Variants in DISP3 observed in about 807,000 individuals in gnomAD.
The protein encoded by DISP3 is protein dispatched homolog 3.
A neutral mutation model predicts 135.3 loss-of-function variants in DISP3; 101 were observed. That is an observed-to-expected ratio of 0.75 (90% CI 0.64 to 0.88). The LOEUF is 0.88. Ranked by LOEUF, DISP3 falls within the 40% of genes least tolerant of loss-of-function variation. DISP3 has a pLI of 0.00. For synonymous variants in DISP3, 856 were observed against 817.0 expected (o/e 1.05, Z -0.81); for missense variants, 1,713 against 1,878.6 (o/e 0.91, Z 1.63).
chr1:11,534,243 T>G (rs1642648044), intron 17 of DISP3, 138 bp from the exon 18 acceptor site: 5 of 1,042,422 alleles, frequency 4.8e-6, no homozygotes, highest in Non-Finnish European at 7.2e-6. Flanking sequence ...GGACTCATTT[T>G]GGATTGAATC....
chr1:11,526,787 A>G lies in DISP3; in HGVS notation c.2750A>G (p.Lys917Arg). Reference sequence around the variant, plus strand: ...GCCTGTGATGCCAAGCGGGGCTGGAAGTTTGACTTCAGCTTCTACGTGGCC... The same window carrying G: ...GCCTGTGATGCCAAGCGGGGCTGGAGGTTTGACTTCAGCTTCTACGTGGCC... ...TLACDAKRGW[K>R]FDFSFYVATK... The change falls in exon 13 of 21, where the codon AAG (lysine) becomes AGG (arginine). Residue 917 changes from lysine to arginine, a missense_variant. Around this residue, in one of 2 missense-constraint regions of DISP3, gnomAD observed 1,142 missense variants for 1,384.6 expected, o/e 0.82. Coordinates refer to ENST00000294484, the MANE Select transcript of DISP3 (RefSeq NM_020780.2). The G allele has an allele frequency of 6.2e-7, 1 of 1,612,590 alleles. No individual in the cohort carries two copies. Among genetic ancestry groups the G allele is most frequent in the Non-Finnish European group, 8.5e-7 (1 of 1,180,004 alleles).
chr1:11,537,326 T>C lies in DISP3; in HGVS notation c.*640T>C, dbSNP rs1017062895. 6.6e-6 allele frequency: 1 copy of C among 152,160 alleles called. No homozygotes were observed. The highest frequency in any genetic ancestry group is 1.5e-5 in the Non-Finnish European group (1 of 68,218). The allele number at this position is 152,160 out of a possible 1,614,324, so 9.4% of individuals were successfully genotyped here. On this transcript the variant is annotated 3_prime_UTR_variant, in exon 21 of 21. Coordinates refer to ENST00000294484, the MANE Select transcript of DISP3 (RefSeq NM_020780.2). ...GCCAGAGAAGACAGAAGGACCCGGCTTGGGCTTCTGCATGTCCTACCCCTG... is the reference window on the plus strand; with the variant it reads ...GCCAGAGAAGACAGAAGGACCCGGCCTGGGCTTCTGCATGTCCTACCCCTG...
In DISP3 at chr1:11,501,070, A is replaced by G; in HGVS notation, c.78A>G (p.Glu26=). The change falls in exon 2 of 21, where the codon GAA becomes GAG. Residue 26 remains glutamate (E), a synonymous_variant. Coordinates refer to ENST00000294484, the MANE Select transcript of DISP3 (RefSeq NM_020780.2). This position sits in a 1 kb window ranked among gnomAD's most constrained non-coding sequence, Gnocchi z 4.9. ...AGGAGGAGGAAGAAGCAACGGGTGA[A>G]ACCTTTTTAGGGGCCCAGAAGCCAG... ...EEQEEEEATG[E]TFLGAQKPGP... 1 of 1,614,104 alleles carries G rather than the reference A, an allele frequency of 6.2e-7. No homozygotes were observed. Among genetic ancestry groups the G allele is most frequent in the Non-Finnish European group, 8.5e-7 (1 of 1,179,998 alleles).
At chr1:11,534,280 C>T (rs1246173643) in intron 17 of DISP3, 101 bp from the exon 18 acceptor site, 18 of 1,411,516 alleles carry the variant, frequency 1.3e-5, no homozygotes, top group Non-Finnish European at 1.7e-5. Context: ...CCAACACACG[C>T]ACCACTCCAT....
chr1:11,530,886 G>C lies in DISP3; in HGVS notation c.3103-21G>C, dbSNP rs771617084. 2.7e-5 allele frequency: 43 copies of C among 1,612,970 alleles called. No homozygotes were observed. The East Asian group carries it at 9.2e-4, about 34-fold the overall frequency. ...CCGTCTCACTGAGCGGCCCGGGCCG[G>C]CTTGTTTCTCCTTGGGAAAGGGTAG... On this transcript the variant is annotated intron_variant, in intron 15 of 20. Transcript: ENST00000294484.
chr1:11,519,686 A>T lies in DISP3; in HGVS notation c.2039-33A>T. 6.2e-7 allele frequency: 1 copy of T among 1,601,036 alleles called. No individual in the cohort carries two copies. The highest frequency in any genetic ancestry group is 1.1e-5 in the South Asian group (1 of 90,506). The stretch of plus-strand genomic sequence containing the variant: ...CGTGGACCACAGTGGGCTTTGATTC[A>T]GGCTCTGACGGGCCACTGCTCTGCC... On this transcript the variant is annotated intron_variant, in intron 8 of 20. Coordinates refer to ENST00000294484, the MANE Select transcript of DISP3 (RefSeq NM_020780.2). This position sits in a 1 kb window ranked among gnomAD's most constrained non-coding sequence, Gnocchi z 4.3.
intron 17 of DISP3, among the ~76,000 whole-genome samples, chr1:11,532,967 A>G (rs928522240): frequency 1.7e-4 from 26 of 152,064 alleles, no homozygotes; most frequent in Middle Eastern, 3.4e-3. Context: ...CGGCCTCCCA[A>G]AGTGCTGGGA....
chr1:11,517,281 G>T (rs1359651748), intron 6 of DISP3, among the ~76,000 whole-genome samples, 182 bp from the exon 7 acceptor site: 1 of 152,236 alleles, frequency 6.6e-6, no homozygotes, highest in African/African-American at 2.4e-5. Flanking sequence ...TCTGACACCA[G>T]CCCTTGGCTC....
intron 3 of DISP3, among the ~76,000 whole-genome samples, chr1:11,504,035 T>C (rs564302099): frequency 1.3e-5 from 2 of 152,154 alleles, no homozygotes; most frequent in Non-Finnish European, 2.9e-5. Context: ...CCCACCCTGA[T>C]AGGCCAGTCC....
chr1:11,492,262 G>C (rs948309623), intron 1 of DISP3, among the ~76,000 whole-genome samples: 2 of 152,116 alleles, frequency 1.3e-5, no homozygotes, highest in African/African-American at 4.8e-5. Context: ...GAGCCCACTA[G>C]AGAGGGGACA....
At position 11,529,966 on chromosome 1, in the gene DISP3, G is replaced by T. The variant is rs1417612485; in HGVS notation, c.3102+7G>T. The T allele has an allele frequency of 2.5e-6, 4 of 1,610,370 alleles. No homozygotes were observed. The highest frequency in any genetic ancestry group is 3.4e-6 in the Non-Finnish European group (4 of 1,179,744). On this transcript the variant is annotated splice_region_variant and intron_variant, in intron 15 of 20. Transcript: ENST00000294484. The surrounding 1 kb of genome is among the most constrained non-coding windows in gnomAD (Gnocchi z 4.7). ...CCACGTCATTGGAGACCCGGTACGG[G>T]GCATGCGTCGGGCAGATGCCGAGGG...
chr1:11,513,286 AAAAT>A (rs895680459), intron 3 of DISP3, among the ~76,000 whole-genome samples: 3 of 152,216 alleles, frequency 2.0e-5, no homozygotes, highest in African/African-American at 2.4e-5. Context: ...CCTGGCTCAA[AAAAT>A]AAATAAATAA....
At position 11,526,646 on chromosome 1, in the gene DISP3, C is replaced by G. The variant is rs760205390; in HGVS notation, c.2614-5C>G. The G allele has an allele frequency of 6.2e-7, 1 of 1,611,324 alleles. No homozygotes were observed. The highest frequency in any genetic ancestry group is 8.5e-7 in the Non-Finnish European group (1 of 1,177,594). The stretch of plus-strand genomic sequence containing the variant: ...GTGTCTTGTCTCTGTCAACCCACTG[C>G]TTAGGTGTATAGAGCGCCTTTTGGT... On this transcript the variant is annotated splice_region_variant and splice_polypyrimidine_tract_variant and intron_variant, in intron 12 of 20. Coordinates refer to ENST00000294484, the MANE Select transcript of DISP3 (RefSeq NM_020780.2).
intron 1 of DISP3, among the ~76,000 whole-genome samples, chr1:11,485,738 G>A (rs562832324): frequency 6.6e-6 from 1 of 152,292 alleles, no homozygotes; most frequent in African/African-American, 2.4e-5. Context: ...CCCTGGCTTA[G>A]AACTTTACAG....
intron 4 of DISP3, 45 bp downstream of exon 4, chr1:11,514,571 C>T: frequency 6.3e-7 from 1 of 1,593,142 alleles, no homozygotes; most frequent in African/African-American, 1.3e-5. Context: ...TCCCAGGGTG[C>T]TCCTGTCTGC....
At chr1:11,522,953 A>G (rs2745261) in intron 10 of DISP3, among the ~76,000 whole-genome samples, 14,335 of 80,918 alleles carry the variant, frequency 0.18, 4,499 homozygotes, top group African/African-American at 0.24. Flanking sequence ...CCAGAGCCCA[A>G]CCAGGACCCA....
rs1418539258 is a variant in DISP3, at chr1:11,519,294, C to G, written c.1890-61C>G. ...GTTCATCTGATCCTCAGGGCCCTGCCCCACCCTCCCTGGGTACCCAGGACC... is the reference window on the plus strand; with the variant it reads ...GTTCATCTGATCCTCAGGGCCCTGCGCCACCCTCCCTGGGTACCCAGGACC... On this transcript the variant is annotated intron_variant, in intron 7 of 20. Transcript: ENST00000294484. The surrounding 1 kb of genome is among the most constrained non-coding windows in gnomAD (Gnocchi z 4.3). The G allele has an allele frequency of 1.9e-6, 3 of 1,559,742 alleles. No individual in the cohort carries two copies. In the African/African-American group the frequency reaches 4.1e-5, roughly 21 times the overall value.
At chr1:11,506,529 G>A (rs1199849694) in intron 3 of DISP3, among the ~76,000 whole-genome samples, 4 of 151,542 alleles carry the variant, frequency 2.6e-5, no homozygotes, top group Non-Finnish European at 5.9e-5. Flanking sequence ...AATGTCTATT[G>A]AGGTTTTAAT....
Position 11,536,569 on chromosome 1 carries a change from T to G in DISP3, c.4062T>G (p.Thr1354=), listed in dbSNP as rs747350012. The part of the protein sequence containing the change: ...MAPSSFTRTR[T]SFLKALGAVL... ...CCAGCTCTTTCACTCGGACCCGGAC[T>G]TCCTTCCTCAAGGCCCTGGGTGCCG... The change falls in exon 21 of 21, where the codon ACT becomes ACG. Residue 1354 remains threonine (T), a synonymous_variant. Coordinates refer to ENST00000294484, the MANE Select transcript of DISP3 (RefSeq NM_020780.2). This position sits in a 1 kb window ranked among gnomAD's most constrained non-coding sequence, Gnocchi z 4.3. 1 of 1,612,390 alleles carries G rather than the reference T, an allele frequency of 6.2e-7. No homozygotes were observed. Among genetic ancestry groups the G allele is most frequent in the South Asian group, 1.1e-5 (1 of 91,068 alleles).
Sources: allele counts gnomAD v4.1 joint callset (sites outside exome capture counted in the v4.1 genomes callset), GRCh38; gene constraint gnomAD v4.1.1; regional missense constraint gnomAD v4.1.1; non-coding constraint Gnocchi (gnomAD v3.1); transcripts MANE v1.5; gene names NCBI Gene and HGNC (gene_info 2026-07-23, HGNC 2026-07-21).